Variants in ZNF324B observed in about 807,000 individuals in gnomAD.
ZNF324B encodes zinc finger protein 324B.
Under a neutral mutation model 10.6 loss-of-function variants are expected in ZNF324B, and 7 were observed. That is an observed-to-expected ratio of 0.66 (90% CI 0.38 to 1.24). ZNF324B has a LOEUF of 1.24. ZNF324B is among the 50% of genes most tolerant of loss of function. The pLI, the probability that ZNF324B is intolerant of heterozygous loss-of-function variation, is 0.02. For missense variants in ZNF324B, 640 were observed against 764.7 expected (o/e 0.84, Z 1.92); for synonymous variants, 316 against 321.0 (o/e 0.98, Z 0.17).
chr19:58,436,519 T>A, the ZNF324B span, among the ~76,000 whole-genome samples: 10 of 151,204 alleles, frequency 6.6e-5, no homozygotes, highest in African/African-American at 2.2e-4. Flanking sequence ...ACAAAAAAAA[T>A]TAGCTGGGTG....
chr19:58,434,203 C>T, the ZNF324B span: 19 of 1,613,916 alleles, frequency 1.2e-5, no homozygotes, highest in East Asian at 6.7e-5. Flanking sequence ...AGCAGAGCTT[C>T]GGCTGAAGGA....
At chr19:58,418,461 T>A in the ZNF324B span, 1 of 152,108 alleles carries the variant, frequency 6.6e-6, no homozygotes, top group South Asian at 2.1e-4. Flanking sequence ...CCTGAGTAGC[T>A]GGCACTACAG....
intron 1 of ZNF324B, chr19:58,453,094 TAAATAAATAAATA>T (rs1423800799): frequency 1.5e-5 from 2 of 137,592 alleles, no homozygotes; most frequent in African/African-American, 3.3e-5. Flanking sequence ...AATAAATAAA[TAAATAAATAAATA>T]AATAAATAAA....
At chr19:58,433,525 G>A in the ZNF324B span, 1 of 1,614,178 alleles carries the variant, frequency 6.2e-7, no homozygotes, top group Non-Finnish European at 8.5e-7. Context: ...AACCAGGTGG[G>A]AGTTACTGCT....
chr19:58,439,628 GGCCCAGGACCCACGT>G, the ZNF324B span: 1 of 961,604 alleles, frequency 1.0e-6, no homozygotes, highest in Non-Finnish European at 1.5e-6. Flanking sequence ...CCCAGGGCAG[GGCCCAGGACCCACGT>G]GTGAGGACAG....
At chr19:58,421,126 A>G in the ZNF324B span, among the ~76,000 whole-genome samples, 2 of 151,936 alleles carry the variant, frequency 1.3e-5, no homozygotes, top group African/African-American at 4.8e-5. Context: ...TTGCCAAGGC[A>G]GTGGCAAACT....
chr19:58,429,002 C>G, the ZNF324B span: 3 of 152,188 alleles, frequency 2.0e-5, no homozygotes, highest in East Asian at 1.9e-4. Context: ...GAAACTACCC[C>G]ATTCTTCAGA....
At chr19:58,449,611 G>A (rs1472025188), upstream of ZNF324B, among the ~76,000 whole-genome samples, 4 of 152,258 alleles carry the variant, frequency 2.6e-5, no homozygotes, top group African/African-American at 9.6e-5. Context: ...TGACCTGGAT[G>A]TGAGACATGG....
chr19:58,434,213 A>C, the ZNF324B span: 1 of 1,613,380 alleles, frequency 6.2e-7, no homozygotes. Flanking sequence ...CGGCTGAAGG[A>C]TTTACCACAT....
At chr19:58,454,154 C>A (rs1311416433) in intron 2 of ZNF324B, 74 bp from the exon 3 acceptor site, 2 of 976,892 alleles carry the variant, frequency 2.0e-6, no homozygotes, top group African/African-American at 3.2e-5. Flanking sequence ...TCCATGAAGC[C>A]CTGACTCCTG....
At chr19:58,437,063 C>T in the ZNF324B span, 1 of 1,614,106 alleles carries the variant, frequency 6.2e-7, no homozygotes, top group South Asian at 1.1e-5. Context: ...AGGTCACAAG[C>T]TCAAGGTTTT....
chr19:58,419,149 G>T, the ZNF324B span: 1 of 152,080 alleles, frequency 6.6e-6, no homozygotes, highest in African/African-American at 2.4e-5. Context: ...CTTTTTTGTG[G>T]GTCCAGAGCT....
the ZNF324B span, among the ~76,000 whole-genome samples, chr19:58,420,647 A>G: frequency 6.6e-6 from 1 of 151,806 alleles, no homozygotes; most frequent in African/African-American, 2.4e-5. Flanking sequence ...GTGATCTTCC[A>G]GCCTCAGACT....
At chr19:58,444,107 G>C in the ZNF324B span, 3 of 152,264 alleles carry the variant, frequency 2.0e-5, no homozygotes, top group Non-Finnish European at 4.4e-5. Context: ...CCTGGTACCT[G>C]AGTTGTGCCC....
the ZNF324B span, among the ~76,000 whole-genome samples, chr19:58,436,547 A>T: frequency 6.6e-6 from 1 of 151,676 alleles, no homozygotes; most frequent in Non-Finnish European, 1.5e-5. Flanking sequence ...AGGCACCTGT[A>T]GTCCCAGCTA....
rs773252899 is a variant in ZNF324B at position 58,455,283 on chromosome 19, C to T, written c.339C>T (p.Ala113=). The T allele has an allele frequency of 2.3e-5, 37 of 1,614,088 alleles. No individual in the cohort carries two copies. The highest frequency in any genetic ancestry group is 2.9e-5 in the Non-Finnish European group (34 of 1,180,040). ...TGACTACTAGCGTCTTCCCAGTTGC[C>T]GATGCCTGCCACAGTGTAAAAAGCC... ...PGMTTSVFPV[A]DACHSVKSLQ... is the part of the protein sequence containing the mutation. The change falls in exon 4 of 4, where the codon GCC becomes GCT. Residue 113 remains alanine (A), a synonymous_variant. Coordinates refer to ENST00000336614, the MANE Select transcript of ZNF324B (RefSeq NM_207395.3). The surrounding 1 kb of genome is among the most constrained non-coding windows in gnomAD (Gnocchi z 7.0).
At chr19:58,437,890 T>G in the ZNF324B span, 12 of 676,238 alleles carry the variant, frequency 1.8e-5, no homozygotes, top group African/African-American at 5.9e-5. Context: ...CAAATATCTC[T>G]TCCCTCTGAT....
chr19:58,435,022 G>T, the ZNF324B span: 2 of 1,614,088 alleles, frequency 1.2e-6, no homozygotes, highest in Non-Finnish European at 1.7e-6. Flanking sequence ...ACATGTGTAG[G>T]GTTTCTCCTC....
chr19:58,437,163 G>T, the ZNF324B span: 8 of 1,613,748 alleles, frequency 5.0e-6, no homozygotes, highest in South Asian at 6.6e-5. Flanking sequence ...ATCTTCAAAG[G>T]TTACCATGCT....
Sources: allele counts gnomAD v4.1 joint callset (sites outside exome capture counted in the v4.1 genomes callset), GRCh38; gene constraint gnomAD v4.1.1; non-coding constraint Gnocchi (gnomAD v3.1); transcripts MANE v1.5; gene names NCBI Gene and HGNC (gene_info 2026-07-23, HGNC 2026-07-21).